The following KCNT2 variants were observed in gnomAD, a reference collection of about 807,000 sequenced individuals.
KCNT2 encodes potassium sodium-activated channel subfamily T member 2.
Under a neutral mutation model 153.8 loss-of-function variants are expected in KCNT2, and 67 were observed. The ratio of observed to expected loss-of-function variants is 0.44; its 90% CI spans 0.36 to 0.53. KCNT2 has a LOEUF of 0.53. Ranked by LOEUF, KCNT2 falls within the 20% of genes least tolerant of loss-of-function variation. The probability of loss-of-function intolerance (pLI) is 0.00; values close to 1 mark genes in which losing one functional copy is unlikely to be tolerated. For missense variants in KCNT2, 975 were observed against 1,354.8 expected (o/e 0.72, Z 4.40); for synonymous variants, 500 against 458.8 (o/e 1.09, Z -1.15).
At chr1:196,297,999 C>T (rs1660831158) in intron 22 of KCNT2, among the ~76,000 whole-genome samples, 2 of 152,180 alleles carry the variant, frequency 1.3e-5, no homozygotes, top group South Asian at 4.2e-4. Context: ...GTAAATTTTG[C>T]CTTCTTACTA....
chr1:196,462,324 C>A (rs1347378760), intron 8 of KCNT2, among the ~76,000 whole-genome samples: 1 of 151,548 alleles, frequency 6.6e-6, no homozygotes, highest in Non-Finnish European at 1.5e-5. Flanking sequence ...TCATTGAAAG[C>A]ATTAAATGTA....
intron 1 of KCNT2, among the ~76,000 whole-genome samples, chr1:196,523,193 G>A (rs1653709431): frequency 6.6e-6 from 1 of 152,094 alleles, no homozygotes; most frequent in Non-Finnish European, 1.5e-5. Flanking sequence ...CACTGCAAAG[G>A]TCTGTGGCTT....
chr1:196,345,031 A>T (rs1460693019), intron 14 of KCNT2, among the ~76,000 whole-genome samples: 1 of 152,168 alleles, frequency 6.6e-6, no homozygotes, highest in Non-Finnish European at 1.5e-5. Context: ...TGATGTGTAT[A>T]TCCAGTCCCC....
Position 196,326,838 on chromosome 1 carries a change from T to G in KCNT2, c.2155A>C (p.Lys719Gln). Residue 719 changes from lysine (K) to glutamine (Q), a missense_variant, in exon 19 of 28, where the codon AAA (lysine) becomes CAA (glutamine). Around this residue, in one of 6 missense-constraint regions of KCNT2, gnomAD observed 325 missense variants for 388.1 expected, o/e 0.84. Coordinates refer to ENST00000294725, the MANE Select transcript of KCNT2 (RefSeq NM_198503.5). Reference protein sequence around the residue: ...EDAKAYGFKNKLIIVAAETAG... With the variant: ...EDAKAYGFKNQLIIVAAETAG... Reference sequence around the variant, plus strand: ...GTTTCAGCTGCAACTATAATTAGTTTATTTTTGAATCCATAGGCTTTTGCA... The same window carrying G: ...GTTTCAGCTGCAACTATAATTAGTTGATTTTTGAATCCATAGGCTTTTGCA... 6.3e-7 allele frequency: 1 copy of G among 1,587,590 alleles called. No individual in the cohort carries two copies. Among genetic ancestry groups the G allele is most frequent in the Admixed American group, 1.9e-5 (1 of 52,646 alleles).
At chr1:196,374,960 A>G (rs983419550) in intron 13 of KCNT2, among the ~76,000 whole-genome samples, 5 of 151,868 alleles carry the variant, frequency 3.3e-5, no homozygotes, top group African/African-American at 9.7e-5. Flanking sequence ...GTAGCATGCA[A>G]TTATTAACTT....
chr1:196,355,785 C>T (rs1667125671), intron 14 of KCNT2, among the ~76,000 whole-genome samples: 2 of 151,742 alleles, frequency 1.3e-5, no homozygotes, highest in Admixed American at 1.3e-4. Context: ...GCATTCTCAG[C>T]TCTTTAACTC....
chr1:196,304,793 T>C (rs189352933), intron 22 of KCNT2, among the ~76,000 whole-genome samples: 78 of 152,292 alleles, frequency 5.1e-4, no homozygotes, highest in African/African-American at 1.6e-3. Flanking sequence ...CAGTTCTCAG[T>C]ATATTTTGAC....
chr1:196,559,824 C>T (rs1433968115), intron 1 of KCNT2, among the ~76,000 whole-genome samples: 2 of 151,658 alleles, frequency 1.3e-5, no homozygotes, highest in Non-Finnish European at 2.9e-5. Flanking sequence ...TATAATACAA[C>T]AATCAATCCA....
At chr1:196,530,432 G>C (rs1450033200) in intron 1 of KCNT2, among the ~76,000 whole-genome samples, 1 of 151,854 alleles carries the variant, frequency 6.6e-6, no homozygotes, top group Non-Finnish European at 1.5e-5. Flanking sequence ...GTATGAAATA[G>C]TATTGTAATC....
At position 196,326,572 on chromosome 1, in the gene KCNT2, A is replaced by C. The variant is rs1663880795; in HGVS notation, c.2276+145T>G. 6 of 464,408 alleles carry C rather than the reference A, an allele frequency of 1.3e-5. No individual in the cohort carries two copies. The South Asian group carries it at 3.0e-4, about 23-fold the overall frequency. The allele number at this position is 464,408 out of a possible 1,614,324, so 28.8% of individuals were successfully genotyped here. A position where few individuals can be genotyped will look rare whatever the true frequency, so the allele number is the denominator to read the frequency against. On this transcript the variant is annotated intron_variant, in intron 19 of 27. Transcript: ENST00000294725. ...TCAATGATATATTTTGTATCACAGC[A>C]CAGAATATATCTCCCAATGAATCAT...
At chr1:196,386,690 C>T (rs1190198123) in intron 13 of KCNT2, among the ~76,000 whole-genome samples, 2 of 152,050 alleles carry the variant, frequency 1.3e-5, no homozygotes, top group Non-Finnish European at 2.9e-5. Context: ...TTACGAATAG[C>T]TACCACTTTT....
Position 196,429,680 on chromosome 1 carries a change from G to A in KCNT2, c.716C>T (p.Thr239Met), listed in dbSNP as rs1246238266. 3 of 1,612,370 alleles carry A rather than the reference G, an allele frequency of 1.9e-6. No individual in the cohort carries two copies. Among genetic ancestry groups the A allele is most frequent in the Non-Finnish European group, 2.5e-6 (3 of 1,179,034 alleles). The change falls in exon 9 of 28, where the codon ACG (threonine) becomes ATG (methionine). Residue 239 changes from threonine to methionine, a missense_variant. Physicochemically the swap from Thr to Met is moderately conservative, Grantham distance 81. Coordinates refer to ENST00000294725, the MANE Select transcript of KCNT2 (RefSeq NM_198503.5). Reference protein sequence around the residue: ...LFDSLYFCIVTFSTVGFGDVT... With the variant: ...LFDSLYFCIVMFSTVGFGDVT... The stretch of plus-strand genomic sequence containing the variant: ...ATCCCCGAAGCCCACAGTAGAAAAC[G>A]TCACAATGCAGAAATAAAGGGAGTC...
At chr1:196,527,407 G>C (rs1654380086) in intron 1 of KCNT2, among the ~76,000 whole-genome samples, 1 of 152,052 alleles carries the variant, frequency 6.6e-6, no homozygotes, top group Admixed American at 6.6e-5. Context: ...CATGAAGTTA[G>C]GTTAAATTAC....
At position 196,331,250 on chromosome 1, in the gene KCNT2, C is replaced by T. The variant is rs1344074071; in HGVS notation, c.2009G>A (p.Gly670Asp). 1 of 1,562,652 alleles carries T rather than the reference C, an allele frequency of 6.4e-7. No homozygotes were observed. Among genetic ancestry groups the T allele is most frequent in the Admixed American group, 1.7e-5 (1 of 59,656 alleles). ...EMSSNLEYAKGYPPYSPYIGS... is the reference protein window; with the variant it reads ...EMSSNLEYAKDYPPYSPYIGS... ...TATATATGGAGAATAAGGTGGGTAA[C>T]CTTTAGCATACCTGTAAAATAATAC... Residue 670 changes from glycine to aspartate, a missense_variant, in exon 18 of 28, where the codon GGT (glycine) becomes GAT (aspartate). Gly to Asp is a moderately conservative substitution (Grantham distance 94). Around this residue, in one of 6 missense-constraint regions of KCNT2, gnomAD observed 325 missense variants for 388.1 expected, o/e 0.84. Coordinates refer to ENST00000294725, the MANE Select transcript of KCNT2 (RefSeq NM_198503.5).
chr1:196,415,661 A>G (rs911286317), intron 12 of KCNT2, among the ~76,000 whole-genome samples: 1 of 151,942 alleles, frequency 6.6e-6, no homozygotes, highest in Non-Finnish European at 1.5e-5. Flanking sequence ...GGCTGTAGAC[A>G]CTTCCATGAG....
intron 10 of KCNT2, among the ~76,000 whole-genome samples, chr1:196,426,858 T>A (rs560813022): frequency 6.6e-6 from 1 of 151,976 alleles, no homozygotes. Flanking sequence ...ATAGTGAGTA[T>A]GTATCACCAC....
At chr1:196,382,136 TC>T (rs1669556831) in intron 13 of KCNT2, among the ~76,000 whole-genome samples, 1 of 143,398 alleles carries the variant, frequency 7.0e-6, no homozygotes, top group Non-Finnish European at 1.5e-5. Flanking sequence ...TCTCCCTCTG[TC>T]CCCCAGGCTG....
At position 196,429,378 on chromosome 1, in the gene KCNT2, A is replaced by G. The variant is rs550678609; in HGVS notation, c.819+199T>C. 2.6e-5 allele frequency among the ~76,000 whole-genome samples: 4 copies of G among 152,250 alleles called. No individual in the cohort carries two copies. The East Asian group carries it at 7.8e-4, about 30-fold the overall frequency. On this transcript the variant is annotated intron_variant, in intron 9 of 27. Transcript: ENST00000294725. ...TGCTGTCAGTCATGACTGGAAGGAA[A>G]AAAAAGCAACTCGGTGTTTCTAATA...
intron 26 of KCNT2, among the ~76,000 whole-genome samples, chr1:196,238,737 G>A (rs994384662): frequency 4.6e-5 from 7 of 151,822 alleles, no homozygotes; most frequent in Admixed American, 1.3e-4. Context: ...TGTAAATGAC[G>A]AGTTAATGGG....
Sources: gnomAD v4.1 joint callset for allele counts (sites outside exome capture counted in the v4.1 genomes callset) on GRCh38, gnomAD v4.1.1 for gene constraint, gnomAD v4.1.1 regional missense constraint, MANE v1.5 for transcripts, NCBI Gene and HGNC (gene_info 2026-07-23, HGNC 2026-07-21) for gene names.